EPHB1: variants seen among roughly 807,000 people sequenced by gnomAD.
EPHB1 encodes the protein EPH receptor B1.
In EPHB1, 30 loss-of-function variants were observed where a neutral mutation model predicts 94.4. The ratio of observed to expected loss-of-function variants is 0.32; its 90% CI spans 0.24 to 0.43. EPHB1 has a LOEUF of 0.43. Ranked by LOEUF, EPHB1 falls within the 20% of genes least tolerant of loss-of-function variation. EPHB1 has a pLI of 1.00. For synonymous variants in EPHB1, 522 were observed against 489.1 expected (o/e 1.07, Z -0.89); for missense variants, 1,055 against 1,308.3 (o/e 0.81, Z 2.99).
chr3:135,202,548 T>C (rs1942786300), intron 12 of EPHB1, among the ~76,000 whole-genome samples: 1 of 152,332 alleles, frequency 6.6e-6, no homozygotes, highest in South Asian at 2.1e-4. Flanking sequence ...TTTTGTCTCC[T>C]TACATCCATT....
chr3:134,929,504 G>C (rs1448873596), intron 2 of EPHB1, among the ~76,000 whole-genome samples: 1 of 152,188 alleles, frequency 6.6e-6, no homozygotes, highest in African/African-American at 2.4e-5. Context: ...CTGTGGCATT[G>C]GGATCATCCA....
chr3:135,050,545 C>T (rs1430000739), intron 3 of EPHB1, among the ~76,000 whole-genome samples: 1 of 152,100 alleles, frequency 6.6e-6, no homozygotes, highest in Non-Finnish European at 1.5e-5. Context: ...CTTTTTGCTG[C>T]TTTGGGCATG....
At chr3:135,091,341 A>C (rs986030886) in intron 3 of EPHB1, among the ~76,000 whole-genome samples, 4 of 152,220 alleles carry the variant, frequency 2.6e-5, no homozygotes, top group African/African-American at 9.6e-5. Context: ...ACCTCTGGCC[A>C]AGTCATTGCC....
chr3:135,259,000 C>A lies in EPHB1; in HGVS notation c.2847-12C>A. The A allele has an allele frequency of 1.3e-6, 2 of 1,592,554 alleles. No individual in the cohort carries two copies. The highest frequency in any genetic ancestry group is 1.7e-6 in the Non-Finnish European group (2 of 1,168,000). The stretch of plus-strand genomic sequence containing the variant: ...CACTAAAGTGACTTCTTTTCTGGCT[C>A]TTTCCTCCTAGAGACCTCCTGAGAA... On this transcript the variant is annotated splice_polypyrimidine_tract_variant and intron_variant, in intron 15 of 15. Transcript: ENST00000398015.
intron 5 of EPHB1, among the ~76,000 whole-genome samples, chr3:135,137,717 G>T (rs1317466360): frequency 6.6e-6 from 1 of 152,186 alleles, no homozygotes; most frequent in African/African-American, 2.4e-5. Flanking sequence ...TGAGAGAGCA[G>T]ATAGAAAATC....
chr3:135,167,791 G>T (rs1218004744), intron 9 of EPHB1, among the ~76,000 whole-genome samples: 1 of 152,174 alleles, frequency 6.6e-6, no homozygotes, highest in African/African-American at 2.4e-5. Flanking sequence ...TCAGAAATCT[G>T]TCCCAGCACT....
At chr3:135,249,192 A>G in intron 14 of EPHB1, 144 bp from the exon 15 acceptor site, 3 of 943,860 alleles carry the variant, frequency 3.2e-6, no homozygotes, top group African/African-American at 1.7e-5. Context: ...TTCCATGAAG[A>G]AGAAAGGTTC....
intron 1 of EPHB1, among the ~76,000 whole-genome samples, chr3:134,818,842 G>A (rs966375889): frequency 4.6e-5 from 7 of 152,180 alleles, no homozygotes; most frequent in Admixed American, 2.0e-4. Flanking sequence ...AAACATGCAC[G>A]TGCAAGTGTT....
chr3:135,194,813 A>G (rs1942555277), intron 11 of EPHB1, among the ~76,000 whole-genome samples: 1 of 152,158 alleles, frequency 6.6e-6, no homozygotes. Flanking sequence ...TATGCTTTGT[A>G]TTTGGAAACT....
At chr3:134,813,431 G>T (rs764516844) in intron 1 of EPHB1, among the ~76,000 whole-genome samples, 3 of 152,168 alleles carry the variant, frequency 2.0e-5, no homozygotes, top group Non-Finnish European at 4.4e-5. Flanking sequence ...CCAGGGACAG[G>T]TATCTTTTGG....
intron 3 of EPHB1, among the ~76,000 whole-genome samples, chr3:135,083,270 T>C (rs771410144): frequency 6.6e-6 from 1 of 151,866 alleles, no homozygotes; most frequent in Non-Finnish European, 1.5e-5. Context: ...CAGATCTGTG[T>C]TGTGGGATCT....
intron 1 of EPHB1, among the ~76,000 whole-genome samples, chr3:134,921,798 T>C (rs2038691931): frequency 6.6e-6 from 1 of 152,150 alleles, no homozygotes; most frequent in South Asian, 2.1e-4. Context: ...AGCCTCACCT[T>C]CTCCCCTCAT....
chr3:135,250,542 T>C (rs1470314345), intron 15 of EPHB1, among the ~76,000 whole-genome samples: 2 of 152,162 alleles, frequency 1.3e-5, no homozygotes, highest in African/African-American at 4.8e-5. Flanking sequence ...TGATTAGTTG[T>C]GGTAAGATCT....
Position 135,060,636 on chromosome 3 carries a change from C to T in EPHB1, c.806-45812C>T, listed in dbSNP as rs1937472153. ...TTTTATGATAGCATTCTTTTTAAAACTTTTTTATTTTTAATTTTTGTGGGT... is the reference window on the plus strand; with the variant it reads ...TTTTATGATAGCATTCTTTTTAAAATTTTTTTATTTTTAATTTTTGTGGGT... On this transcript the variant is annotated intron_variant, in intron 3 of 15. Coordinates refer to ENST00000398015, the MANE Select transcript of EPHB1 (RefSeq NM_004441.5). Among the ~76,000 whole-genome samples, 3 of 151,900 alleles carry T rather than the reference C, an allele frequency of 2.0e-5. No homozygotes were observed. The South Asian group carries it at 6.2e-4, about 32-fold the overall frequency.
chr3:135,084,716 C>T (rs773039583), intron 3 of EPHB1, among the ~76,000 whole-genome samples: 1 of 152,268 alleles, frequency 6.6e-6, no homozygotes, highest in Middle Eastern at 3.4e-3. Flanking sequence ...GCTCCACGGT[C>T]CTTCTATTGT....
chr3:134,895,249 C>T (rs997797753), intron 1 of EPHB1, among the ~76,000 whole-genome samples: 2 of 148,306 alleles, frequency 1.3e-5, no homozygotes, highest in Non-Finnish European at 1.5e-5. Context: ...CAGTTGACAC[C>T]CACAGAGATC....
intron 3 of EPHB1, among the ~76,000 whole-genome samples, chr3:135,016,350 C>T (rs1935795423): frequency 6.6e-6 from 1 of 152,172 alleles, no homozygotes; most frequent in African/African-American, 2.4e-5. Context: ...TTCAGATTTT[C>T]TCCTGATTCA....
At chr3:135,113,522 G>A (rs1345615926) in intron 4 of EPHB1, among the ~76,000 whole-genome samples, 4 of 152,114 alleles carry the variant, frequency 2.6e-5, no homozygotes, top group South Asian at 2.1e-4. Flanking sequence ...CAGTAACCCC[G>A]AGAGGCAGAG....
At chr3:134,987,422 T>C (rs1934638871) in intron 3 of EPHB1, among the ~76,000 whole-genome samples, 1 of 152,048 alleles carries the variant, frequency 6.6e-6, no homozygotes, top group Non-Finnish European at 1.5e-5. Flanking sequence ...AGTGTCTTTA[T>C]AAAAAGAAGC....
Sources: allele counts gnomAD v4.1 joint callset (sites outside exome capture counted in the v4.1 genomes callset), GRCh38; gene constraint gnomAD v4.1.1; transcripts MANE v1.5; gene names NCBI Gene and HGNC (gene_info 2026-07-23, HGNC 2026-07-21).